The following CYTIP variants were observed in gnomAD, a reference collection of about 807,000 sequenced individuals.
The protein encoded by CYTIP is cytohesin 1 interacting protein, also known as cytohesin-interacting protein.
CYTIP carries 26 observed loss-of-function variants against 43.8 expected under a neutral mutation model. The ratio of observed to expected loss-of-function variants is 0.59; its 90% CI spans 0.44 to 0.82. The LOEUF is 0.82. Ranked by LOEUF, CYTIP falls within the 40% of genes least tolerant of loss-of-function variation. CYTIP has a pLI of 0.00. For missense variants in CYTIP, 426 were observed against 443.1 expected, an observed-to-expected ratio of 0.96 and a Z score of 0.35; for synonymous variants, 162 against 162.9, an observed-to-expected ratio of 0.99 and a Z score of 0.04.
intron 6 of CYTIP, among the ~76,000 whole-genome samples, chr2:157,420,143 C>T (rs1685496296): frequency 6.6e-6 from 1 of 152,186 alleles, no homozygotes; most frequent in African/African-American, 2.4e-5. Flanking sequence ...TGAAACAAGC[C>T]TGGGCAACAT....
chr2:157,438,432 A>G (rs2105146132), intron 1 of CYTIP, among the ~76,000 whole-genome samples: 1 of 152,314 alleles, frequency 6.6e-6, no homozygotes, highest in South Asian at 2.1e-4. Flanking sequence ...AATTACAGCT[A>G]GATAGGAAGA....
chr2:157,416,170 G>A (rs756062495), intron 7 of CYTIP, 27 bp from the exon 8 acceptor site: 1 of 1,551,986 alleles, frequency 6.4e-7, no homozygotes, highest in African/African-American at 1.4e-5. Flanking sequence ...ACTGTGAAAT[G>A]GATCTGTTCA....
At chr2:157,425,540 T>C (rs932193523) in intron 6 of CYTIP, among the ~76,000 whole-genome samples, 1 of 152,130 alleles carries the variant, frequency 6.6e-6, no homozygotes, top group Non-Finnish European at 1.5e-5. Context: ...TGGAAGAGGA[T>C]GGAGATACTG....
chr2:157,443,019 T>C (rs966427452), intron 1 of CYTIP, among the ~76,000 whole-genome samples: 5 of 152,150 alleles, frequency 3.3e-5, no homozygotes, highest in Non-Finnish European at 7.3e-5. Flanking sequence ...ATGTTAGAAA[T>C]TGAAGAACGA....
Position 157,418,564 on chromosome 2 carries a change from T to C in CYTIP, c.572A>G (p.Glu191Gly). ...TTCCTGTAACTGCAGAGATCTGTAC[T>C]CCACCCATTTTTGTTTCAAAGTTTG... is the stretch of plus-strand genomic sequence containing the variant. Reference protein sequence around the residue: ...LKQTLKQKWVEYRSLQLQEHR... With the variant: ...LKQTLKQKWVGYRSLQLQEHR... Residue 191 changes from glutamate to glycine, a missense_variant, in exon 7 of 8, where the codon GAG becomes GGG. Physicochemically the swap from Glu to Gly is moderately conservative, Grantham distance 98. Transcript: ENST00000264192. 6 of 1,569,444 alleles carry C rather than the reference T, an allele frequency of 3.8e-6. No individual in the cohort carries two copies. The highest frequency in any genetic ancestry group is 5.2e-6 in the Non-Finnish European group (6 of 1,159,030).
At chr2:157,429,672 AG>A (rs1685672374) in intron 5 of CYTIP, among the ~76,000 whole-genome samples, 1 of 152,202 alleles carries the variant, frequency 6.6e-6, no homozygotes, top group South Asian at 2.1e-4. Flanking sequence ...ATTAGGTGCT[AG>A]TATTGTTATG....
chr2:157,441,404 A>T (rs970676688), intron 1 of CYTIP, among the ~76,000 whole-genome samples: 2 of 152,184 alleles, frequency 1.3e-5, no homozygotes, highest in East Asian at 3.8e-4. Flanking sequence ...CATGTACAAG[A>T]AGTTTTGTTT....
At chr2:157,420,106 T>C (rs973699490) in intron 6 of CYTIP, among the ~76,000 whole-genome samples, 1 of 152,060 alleles carries the variant, frequency 6.6e-6, no homozygotes. Context: ...GAGGTTGAAG[T>C]GGGAGGATTG....
Position 157,418,596 on chromosome 2 carries a change from G to C in CYTIP, c.547-7C>G. On this transcript the variant is annotated splice_polypyrimidine_tract_variant and splice_region_variant and intron_variant, in intron 6 of 7. Transcript: ENST00000264192. ...ATTTTTGTTTCAAAGTTTGCTGTGA[G>C]ATTAAAAAAAAAAAAAAAAAGTTTT... 8.1e-7 allele frequency: 1 copy of C among 1,239,680 alleles called. No homozygotes were observed. The highest frequency in any genetic ancestry group is 1.1e-6 in the Non-Finnish European group (1 of 947,382). 76.8% of individuals were successfully genotyped at this position (1,239,680 alleles called of 1,614,324 possible). A position where few individuals can be genotyped will look rare whatever the true frequency, so the allele number is the denominator to read the frequency against.
chr2:157,420,698 T>G lies in CYTIP; in HGVS notation c.547-2109A>C, dbSNP rs527945814. On this transcript the variant is annotated intron_variant, in intron 6 of 7. Transcript: ENST00000264192. The stretch of plus-strand genomic sequence containing the variant: ...AAAAAGGACTGCTATGCTGCCTTAT[T>G]CCCAGCTTTTAACTGTGTAAATCTG... Among the ~76,000 whole-genome samples, 354 of 144,498 alleles carry G rather than the reference T, an allele frequency of 2.4e-3. 1 individual carries two copies. The highest frequency in any genetic ancestry group is 8.6e-3 in the African/African-American group (340 of 39,672). 94.8% of individuals were successfully genotyped at this position (144,498 alleles called of 152,430 possible).
At chr2:157,417,321 G>T (rs1685453451) in intron 7 of CYTIP, among the ~76,000 whole-genome samples, 1 of 152,032 alleles carries the variant, frequency 6.6e-6, no homozygotes, top group East Asian at 1.9e-4. Context: ...CACATGCCCT[G>T]GATGTTTACT....
chr2:157,430,787 G>T (rs1685699869), intron 4 of CYTIP, 73 bp downstream of exon 4: 1 of 1,475,316 alleles, frequency 6.8e-7, no homozygotes, highest in South Asian at 1.2e-5. Flanking sequence ...AATACATCCT[G>T]ACCTTCACTC....
chr2:157,419,737 C>A (rs1189075817), intron 6 of CYTIP, among the ~76,000 whole-genome samples: 1 of 152,192 alleles, frequency 6.6e-6, no homozygotes, highest in Non-Finnish European at 1.5e-5. Context: ...ACAAAGCAAT[C>A]TGCAAGGAGT....
intron 6 of CYTIP, among the ~76,000 whole-genome samples, chr2:157,421,113 C>G (rs1238330887): frequency 6.6e-6 from 1 of 152,206 alleles, no homozygotes; most frequent in Admixed American, 6.5e-5. Flanking sequence ...TGTAACCAAG[C>G]TTCCCTATTT....
intron 1 of CYTIP, among the ~76,000 whole-genome samples, chr2:157,437,368 T>C (rs1475868456): frequency 6.6e-6 from 1 of 151,460 alleles, no homozygotes; most frequent in African/African-American, 2.4e-5. Flanking sequence ...AAAAAAAATT[T>C]AAAAATGGGC....
intron 7 of CYTIP, among the ~76,000 whole-genome samples, chr2:157,417,211 T>C (rs1369173892): frequency 6.6e-6 from 1 of 152,240 alleles, no homozygotes; most frequent in Non-Finnish European, 1.5e-5. Context: ...CCATGGTGAC[T>C]AGTCATAATG....
intron 6 of CYTIP, among the ~76,000 whole-genome samples, chr2:157,425,374 C>T (rs955164028): frequency 2.6e-5 from 4 of 152,090 alleles, no homozygotes; most frequent in Non-Finnish European, 2.9e-5. Context: ...CATATCAAAA[C>T]GAACAAGTTG....
chr2:157,420,061 G>A (rs1004505576), intron 6 of CYTIP, among the ~76,000 whole-genome samples: 1 of 152,178 alleles, frequency 6.6e-6, no homozygotes, highest in African/African-American at 2.4e-5. Context: ...GAGGGCTGAG[G>A]GCAGTGGCTT....
At chr2:157,436,546 T>C (rs1231033481) in intron 1 of CYTIP, among the ~76,000 whole-genome samples, 1 of 152,058 alleles carries the variant, frequency 6.6e-6, no homozygotes, top group East Asian at 1.9e-4. Flanking sequence ...TTGCTATCAG[T>C]ATTCATCATA....
Sources: allele counts gnomAD v4.1 joint callset (sites outside exome capture counted in the v4.1 genomes callset), GRCh38; gene constraint gnomAD v4.1.1; transcripts MANE v1.5; gene names NCBI Gene and HGNC (gene_info 2026-07-23, HGNC 2026-07-21).